The following CCDC110 variants were observed in gnomAD, a reference collection of about 807,000 sequenced individuals.
CCDC110 encodes the protein coiled-coil domain containing 110.
In CCDC110, 70 loss-of-function variants were observed where a neutral mutation model predicts 77.1. The ratio of observed to expected loss-of-function variants is 0.91; its 90% CI spans 0.75 to 1.11. The LOEUF (loss-of-function observed/expected upper bound fraction) is 1.11, where lower values mean the gene tolerates loss of function less well. Ranked by LOEUF, CCDC110 falls within the 50% of genes least tolerant of loss-of-function variation. The probability of loss-of-function intolerance (pLI) is 0.00; values close to 1 mark genes in which losing one functional copy is unlikely to be tolerated. For missense variants in CCDC110, 868 were observed against 942.9 expected (o/e 0.92, Z 1.04); for synonymous variants, 295 against 312.5 (o/e 0.94, Z 0.59).
intron 2 of CCDC110, 40 bp from the exon 3 acceptor site, chr4:185,463,089 A>C: frequency 6.5e-7 from 1 of 1,531,918 alleles, no homozygotes; most frequent in Non-Finnish European, 9.0e-7. Flanking sequence ...CTTAATTCTT[A>C]AATTTTATTT....
At position 185,459,471 on chromosome 4, in the gene CCDC110, T is replaced by G; in HGVS notation, c.1116A>C (p.Lys372Asn). The change falls in exon 6 of 7, where the codon AAA (lysine) becomes AAC (asparagine). Residue 372 changes from lysine to asparagine, a missense_variant. Transcript: ENST00000307588. ...PITGKNITDL[K>N]FHSRVPRYTL... ...TGTATCTTGGAACTCTGGAATGGAA[T>G]TTTAAATCTGTAATATTTTTGCCAG... is the stretch of plus-strand genomic sequence containing the variant. The G allele has an allele frequency of 6.2e-7, 1 of 1,613,698 alleles. No homozygotes were observed. The highest frequency in any genetic ancestry group is 8.5e-7 in the Non-Finnish European group (1 of 1,179,736).
chr4:185,460,259 C>G, intron 5 of CCDC110, 21 bp from the exon 6 acceptor site: 1 of 1,532,156 alleles, frequency 6.5e-7, no homozygotes. Flanking sequence ...AAGAAGTACA[C>G]TATAAATGTA....
At chr4:185,464,660 A>G (rs72712063) in intron 2 of CCDC110, among the ~76,000 whole-genome samples, 12,623 of 152,214 alleles carry the variant, frequency 0.083, 620 homozygotes, top group South Asian at 0.13. Context: ...CCTGCCACCC[A>G]CAACGAACTG....
In CCDC110 at chr4:185,445,506, T is replaced by C; in HGVS notation, c.2498A>G (p.His833Arg). 6.3e-7 allele frequency: 1 copy of C among 1,578,108 alleles called. No homozygotes were observed. The highest frequency in any genetic ancestry group is 8.7e-7 in the Non-Finnish European group (1 of 1,153,122). The change falls in exon 7 of 7, where the codon CAT becomes CGT. Residue 833 changes from histidine to arginine, a missense_variant. Physicochemically the swap from His to Arg is conservative, Grantham distance 29. Coordinates refer to ENST00000307588, the MANE Select transcript of CCDC110 (RefSeq NM_152775.4). ...TCTTAGCAATCTTGAGGAATCCTAA[T>C]GATGCTTGAGAGTTCTGTCTTTAAC... The part of the protein sequence containing the change: ...FKVKDRTLKH[H>R]
intron 6 of CCDC110, among the ~76,000 whole-genome samples, chr4:185,446,682 G>A (rs2095612432): frequency 6.6e-6 from 1 of 150,888 alleles, no homozygotes; most frequent in African/African-American, 2.4e-5. Context: ...AATTTTAAAT[G>A]TTATATAGTT....
intron 6 of CCDC110, chr4:185,452,408 G>A (rs2153318543): frequency 1.0e-6 from 1 of 982,062 alleles, no homozygotes; most frequent in East Asian, 1.1e-4. Flanking sequence ...ACATAACATG[G>A]AAGAAAGGCT....
chr4:185,451,624 T>C (rs1409035542), intron 6 of CCDC110, among the ~76,000 whole-genome samples: 1 of 152,200 alleles, frequency 6.6e-6, no homozygotes, highest in East Asian at 1.9e-4. Context: ...CAAGTACACA[T>C]AGGTGAATAA....
At chr4:185,449,917 T>G (rs1415994956) in intron 6 of CCDC110, 1 of 257,824 alleles carries the variant, frequency 3.9e-6, no homozygotes, top group Non-Finnish European at 7.3e-6. Context: ...AATCTGTCAT[T>G]TGCTTTTACT....
intron 2 of CCDC110, among the ~76,000 whole-genome samples, chr4:185,469,427 T>C (rs952609009): frequency 6.6e-6 from 1 of 152,230 alleles, no homozygotes; most frequent in Non-Finnish European, 1.5e-5. Context: ...TGTAACTATT[T>C]TCTATAAATG....
At chr4:185,448,633 TA>T (rs1359195977) in intron 6 of CCDC110, among the ~76,000 whole-genome samples, 1 of 152,216 alleles carries the variant, frequency 6.6e-6, no homozygotes, top group East Asian at 1.9e-4. Context: ...GTAAAGTTGG[TA>T]AAGATATGGA....
Position 185,448,313 on chromosome 4 carries a change from C to T in CCDC110, c.2462-2771G>A, listed in dbSNP as rs187802271. ...TGGGATTAAGTGCTGGGATTACAGGCGTGAGCCACTGCGCCCGGTCAGAAA... is the reference window on the plus strand; with the variant it reads ...TGGGATTAAGTGCTGGGATTACAGGTGTGAGCCACTGCGCCCGGTCAGAAA... On this transcript the variant is annotated intron_variant, in intron 6 of 6. Coordinates refer to ENST00000307588, the MANE Select transcript of CCDC110 (RefSeq NM_152775.4). Among the ~76,000 whole-genome samples, 16 of 152,268 alleles carry T rather than the reference C, an allele frequency of 1.1e-4. No homozygotes were observed. In the East Asian group the frequency reaches 2.5e-3, roughly 24 times the overall value.
chr4:185,449,742 G>A, intron 6 of CCDC110: 1 of 767,318 alleles, frequency 1.3e-6, no homozygotes, highest in Non-Finnish European at 2.0e-6. Context: ...GGAGCAGATA[G>A]CTCAAGCAGT....
chr4:185,459,932 TTA>T lies in CCDC110; in HGVS notation c.653_654del (p.Val218AspfsTer4). 1 of 1,613,902 alleles carries T rather than the reference TTA, an allele frequency of 6.2e-7. No individual in the cohort carries two copies. Among genetic ancestry groups the T allele is most frequent in the Non-Finnish European group, 8.5e-7 (1 of 1,179,886 alleles). On this transcript the variant is annotated frameshift_variant, in exon 6 of 7. Transcript: ENST00000307588. LOFTEE classifies it high-confidence loss of function. ...PPNVMSQADT[V>X]ILDKSKITVP... Reference sequence around the variant, plus strand: ...ACAGTAATTTTGGATTTATCCAGAATTACTGTATCAGCTTGAGACATCACATT... The same window carrying T: ...ACAGTAATTTTGGATTTATCCAGAATCTGTATCAGCTTGAGACATCACATT...
In CCDC110 at chr4:185,459,174, C is replaced by G. The variant is rs773450079; in HGVS notation, c.1413G>C (p.Gln471His). ...GTTGCTTTTCATATGTTTCAACTTT[C>G]TGTATGAGAGATTGTGTGGTAAAGA... ...PLIFTTQSLI[Q>H]KVETYEKQLK... The change falls in exon 6 of 7, where the codon CAG (glutamine) becomes CAC (histidine). Residue 471 changes from glutamine (Q) to histidine (H), a missense_variant. By Grantham distance (24) the Gln-to-His change is conservative. Coordinates refer to ENST00000307588, the MANE Select transcript of CCDC110 (RefSeq NM_152775.4). 2 of 1,601,364 alleles carry G rather than the reference C, an allele frequency of 1.2e-6. No homozygotes were observed. Among genetic ancestry groups the G allele is most frequent in the Middle Eastern group, 3.3e-4 (2 of 5,994 alleles).
At chr4:185,461,321 A>G (rs1045213610) in intron 4 of CCDC110, among the ~76,000 whole-genome samples, 162 bp from the exon 5 acceptor site, 1 of 152,198 alleles carries the variant, frequency 6.6e-6, no homozygotes, top group Non-Finnish European at 1.5e-5. Flanking sequence ...ATTTATTGTA[A>G]TCTCTATCGT....
At chr4:185,456,340 T>A (rs944931241) in intron 6 of CCDC110, among the ~76,000 whole-genome samples, 1 of 152,130 alleles carries the variant, frequency 6.6e-6, no homozygotes, top group Non-Finnish European at 1.5e-5. Context: ...ATGCTATTAA[T>A]GCAGGTACGA....
intron 6 of CCDC110, among the ~76,000 whole-genome samples, chr4:185,456,413 A>G (rs1034405627): frequency 1.8e-5 from 2 of 110,254 alleles, no homozygotes; most frequent in Admixed American, 1.1e-4. Context: ...AAATAGGAAC[A>G]GAAATCAATG....
At chr4:185,456,645 C>T (rs1312595038) in intron 6 of CCDC110, among the ~76,000 whole-genome samples, 2 of 152,138 alleles carry the variant, frequency 1.3e-5, no homozygotes, top group Non-Finnish European at 2.9e-5. Flanking sequence ...CATTTGAGAA[C>T]TTACATGAAA....
At chr4:185,470,634 G>A (rs2095664293) in intron 2 of CCDC110, 1 of 507,834 alleles carries the variant, frequency 2.0e-6, no homozygotes, top group African/African-American at 1.9e-5. Flanking sequence ...AGGCAGTCCG[G>A]AGCCGCCCTG....
Sources: gnomAD v4.1 joint callset for allele counts (sites outside exome capture counted in the v4.1 genomes callset) on GRCh38, gnomAD v4.1.1 for gene constraint, MANE v1.5 for transcripts, NCBI Gene and HGNC (gene_info 2026-07-23, HGNC 2026-07-21) for gene names.